Variants in TRDN observed in about 807,000 individuals in gnomAD.
TRDN encodes the protein triadin.
TRDN carries 161 observed loss-of-function variants against 149.7 expected under a neutral mutation model. The ratio of observed to expected loss-of-function variants is 1.08; its 90% confidence interval spans 0.95 to 1.23. The LOEUF is 1.23. TRDN is among the 50% of genes most tolerant of loss of function. The pLI, the probability that TRDN is intolerant of heterozygous loss-of-function variation, is 0.00. For synonymous variants in TRDN, 294 were observed against 250.5 expected (o/e 1.17, Z -1.64); for missense variants, 896 against 823.5 (o/e 1.09, Z -1.08).
At position 123,402,432 on chromosome 6, in the gene TRDN, C is replaced by T. The variant is rs1173780265; in HGVS notation, c.1052-8755G>A. Among the ~76,000 whole-genome samples, 7 of 151,478 alleles carry T rather than the reference C, an allele frequency of 4.6e-5. No homozygotes were observed. In the South Asian group the frequency reaches 1.3e-3, roughly 27 times the overall value. ...TCTCTGAAACACTTTAGTTTTGAAT[C>T]GTGCCAGGTTTATGCATCATTTTTT... On this transcript the variant is annotated intron_variant, in intron 12 of 40. Transcript: ENST00000334268.
chr6:123,269,460 T>A (rs1203135220), intron 31 of TRDN, among the ~76,000 whole-genome samples: 6 of 152,052 alleles, frequency 3.9e-5, no homozygotes, highest in Admixed American at 3.9e-4. Context: ...TCATTACGTA[T>A]GTTTAAAAGA....
chr6:123,529,431 T>C, intron 5 of TRDN: 4 of 1,302,860 alleles, frequency 3.1e-6, no homozygotes, highest in Non-Finnish European at 4.3e-6. Flanking sequence ...CTGACCAATC[T>C]AGAATGAATT....
chr6:123,560,275 C>A (rs1228264048), intron 2 of TRDN, among the ~76,000 whole-genome samples: 1 of 152,116 alleles, frequency 6.6e-6, no homozygotes, highest in Non-Finnish European at 1.5e-5. Context: ...CTCAGCAAGC[C>A]AAACTCATTG....
At chr6:123,592,068 G>A (rs1317521060) in intron 1 of TRDN, among the ~76,000 whole-genome samples, 1 of 152,118 alleles carries the variant, frequency 6.6e-6, no homozygotes, top group Non-Finnish European at 1.5e-5. Context: ...ACTGTGTATT[G>A]CTTAGTCTTC....
intron 10 of TRDN, among the ~76,000 whole-genome samples, chr6:123,461,504 A>G (rs1776446259): frequency 6.6e-6 from 1 of 152,198 alleles, no homozygotes; most frequent in African/African-American, 2.4e-5. Context: ...ACAACAGAGG[A>G]GTCCTGGTAA....
At chr6:123,281,896 G>A (rs1202980944) in intron 24 of TRDN, among the ~76,000 whole-genome samples, 2 of 152,010 alleles carry the variant, frequency 1.3e-5, no homozygotes, top group Non-Finnish European at 2.9e-5. Flanking sequence ...ATTAGAAGCT[G>A]ACTTCTGTCT....
intron 1 of TRDN, among the ~76,000 whole-genome samples, chr6:123,575,194 C>A (rs2114555941): frequency 6.6e-6 from 1 of 151,758 alleles, no homozygotes; most frequent in East Asian, 1.9e-4. Flanking sequence ...GAGTATACAA[C>A]CCCAAAGCTA....
intron 38 of TRDN, among the ~76,000 whole-genome samples, chr6:123,241,567 C>T (rs1358970550): frequency 1.3e-5 from 2 of 151,412 alleles, no homozygotes; most frequent in Non-Finnish European, 2.9e-5. Context: ...AACCAAAATA[C>T]TAGATCAGAA....
intron 24 of TRDN, among the ~76,000 whole-genome samples, chr6:123,292,052 T>C (rs747844927): frequency 2.6e-5 from 4 of 151,896 alleles, no homozygotes; most frequent in South Asian, 4.1e-4. Flanking sequence ...TTAAGTTGCT[T>C]AGAAGGAATT....
intron 1 of TRDN, among the ~76,000 whole-genome samples, chr6:123,582,450 T>A (rs1562404010): frequency 7.2e-6 from 1 of 139,522 alleles, no homozygotes; most frequent in Non-Finnish European, 1.5e-5. Flanking sequence ...TGAAGGGAGA[T>A]AGGGGTGGGG....
intron 12 of TRDN, among the ~76,000 whole-genome samples, chr6:123,424,797 A>C (rs1054957037): frequency 5.3e-5 from 8 of 152,078 alleles, no homozygotes; most frequent in Non-Finnish European, 1.2e-4. Context: ...GAGACTTTAG[A>C]TTTTATTCTG....
chr6:123,495,909 G>A (rs1217887442), intron 9 of TRDN, among the ~76,000 whole-genome samples: 2 of 151,622 alleles, frequency 1.3e-5, no homozygotes, highest in East Asian at 1.9e-4. Flanking sequence ...TACTAGAAAA[G>A]GATGGAGTTA....
chr6:123,416,081 T>C (rs1242364433), intron 12 of TRDN, among the ~76,000 whole-genome samples: 4 of 152,156 alleles, frequency 2.6e-5, no homozygotes, highest in Non-Finnish European at 5.9e-5. Context: ...GAGAATTTCA[T>C]ATGCAAAATT....
At chr6:123,236,887 T>C (rs947787204) in intron 38 of TRDN, among the ~76,000 whole-genome samples, 1 of 146,084 alleles carries the variant, frequency 6.8e-6, no homozygotes, top group African/African-American at 2.8e-5. Context: ...TCCAAATTTG[T>C]TCTTTTAAAA....
At chr6:123,391,273 T>A (rs967138111) in intron 13 of TRDN, among the ~76,000 whole-genome samples, 12 of 151,646 alleles carry the variant, frequency 7.9e-5, no homozygotes, top group Non-Finnish European at 1.3e-4. Context: ...CAGCTAGTTT[T>A]TTCCCTTCAG....
At chr6:123,484,270 G>A (rs570364256) in intron 9 of TRDN, among the ~76,000 whole-genome samples, 25 of 152,144 alleles carry the variant, frequency 1.6e-4, no homozygotes, top group African/African-American at 3.9e-4. Context: ...AAATATGTCC[G>A]CTTAAGAAAA....
chr6:123,383,808 CTCTT>C (rs1330843562), intron 14 of TRDN, among the ~76,000 whole-genome samples: 1 of 152,062 alleles, frequency 6.6e-6, no homozygotes, highest in African/African-American at 2.4e-5. Context: ...TTTATTACCT[CTCTT>C]TCTGAATTTC....
intron 33 of TRDN, among the ~76,000 whole-genome samples, chr6:123,262,475 C>T (rs1776806347): frequency 1.3e-5 from 2 of 151,984 alleles, no homozygotes; most frequent in Admixed American, 1.3e-4. Flanking sequence ...CAACAGAAAA[C>T]ATGATAGGCA....
At chr6:123,323,116 A>C (rs1446536472) in intron 23 of TRDN, among the ~76,000 whole-genome samples, 5 of 152,162 alleles carry the variant, frequency 3.3e-5, no homozygotes, top group Admixed American at 3.3e-4. Flanking sequence ...TCAAAATGCT[A>C]ACTTCATTTT....
Sources: allele counts gnomAD v4.1 joint callset (sites outside exome capture counted in the v4.1 genomes callset), GRCh38; gene constraint gnomAD v4.1.1; transcripts MANE v1.5; gene names NCBI Gene and HGNC (gene_info 2026-07-23, HGNC 2026-07-21).